The following NBEA variants were observed in gnomAD, a reference collection of about 807,000 sequenced individuals.
NBEA encodes neurobeachin, also known as lysosomal-trafficking regulator 2.
Under a neutral mutation model 343.4 loss-of-function variants are expected in NBEA, and 44 were observed. The observed-to-expected ratio is 0.13, with a 90% CI of 0.10 to 0.16. The LOEUF is 0.16. Ranked by LOEUF, NBEA falls within the 10% of genes least tolerant of loss-of-function variation. The pLI, the probability that NBEA is intolerant of heterozygous loss-of-function variation, is 1.00. For missense variants in NBEA, 2,555 were observed against 3,631.3 expected (o/e 0.70, Z 7.62); for synonymous variants, 1,175 against 1,238.7 (o/e 0.95, Z 1.08).
At chr13:35,394,617 G>A (rs2042657284) in intron 38 of NBEA, among the ~76,000 whole-genome samples, 1 of 151,700 alleles carries the variant, frequency 6.6e-6, no homozygotes, top group African/African-American at 2.4e-5. Context: ...CTAGATCTTG[G>A]TATCTCCTCC....
chr13:35,139,754 T>TTG (rs1555316332), intron 17 of NBEA, among the ~76,000 whole-genome samples: 6 of 143,714 alleles, frequency 4.2e-5, no homozygotes, highest in East Asian at 4.1e-4. Context: ...GTTTTTTTTT[T>TTG]TTTTTTTTTT....
At chr13:35,091,965 T>A (rs1482463745) in intron 10 of NBEA, among the ~76,000 whole-genome samples, 1 of 152,010 alleles carries the variant, frequency 6.6e-6, no homozygotes, top group Admixed American at 6.6e-5. Flanking sequence ...ACTAGGATAG[T>A]TAAAACAGTT....
chr13:35,508,600 T>C (rs2077158845), intron 41 of NBEA, among the ~76,000 whole-genome samples: 1 of 152,100 alleles, frequency 6.6e-6, no homozygotes, highest in African/African-American at 2.4e-5. Flanking sequence ...AGAGAGAGGA[T>C]GACTGCCAGG....
rs75124288 is a variant in NBEA at position 35,508,144 on chromosome 13, C to T, written c.6585+35608C>T. Among the ~76,000 whole-genome samples, 1,100 of 152,118 alleles carry T rather than the reference C, an allele frequency of 7.2e-3. 11 individuals are homozygous for T. The highest frequency in any genetic ancestry group is 0.025 in the African/African-American group (1,024 of 41,488). ...TCACAGGGCTAGAAATTGGTAGAAA[C>T]GGTAGTAGAATCCAGACCTGTTTCA... On this transcript the variant is annotated intron_variant, in intron 41 of 58. Coordinates refer to ENST00000379939, the MANE Select transcript of NBEA (RefSeq NM_001385012.1).
chr13:35,176,178 T>C (rs1219861488), intron 27 of NBEA, among the ~76,000 whole-genome samples: 1 of 152,122 alleles, frequency 6.6e-6, no homozygotes, highest in Non-Finnish European at 1.5e-5. Context: ...CTTTTTACTA[T>C]GGCGTGCTGC....
intron 34 of NBEA, among the ~76,000 whole-genome samples, chr13:35,289,652 A>G (rs545544412): frequency 3.9e-5 from 6 of 152,054 alleles, no homozygotes; most frequent in South Asian, 4.1e-4. Flanking sequence ...TAATAATACT[A>G]TGTCACAGAG....
chr13:35,530,502 G>C (rs963983118), intron 41 of NBEA, among the ~76,000 whole-genome samples: 1 of 152,192 alleles, frequency 6.6e-6, no homozygotes, highest in South Asian at 2.1e-4. Context: ...GGCCCTTCTT[G>C]TTGGTTTAAA....
intron 30 of NBEA, among the ~76,000 whole-genome samples, chr13:35,187,128 G>A (rs941736438): frequency 2.6e-5 from 4 of 151,710 alleles, no homozygotes; most frequent in Admixed American, 6.6e-5. Flanking sequence ...TTTTCTAAAT[G>A]TGTCAGCGAA....
rs2073568824 is a variant in NBEA at position 35,208,749 on chromosome 13, A to G, written c.5416A>G (p.Thr1806Ala). Residue 1806 changes from threonine to alanine, a missense_variant, in exon 32 of 59, where the codon ACC (threonine) becomes GCC (alanine). Physicochemically the swap from Thr to Ala is moderately conservative, Grantham distance 58. Coordinates refer to ENST00000379939, the MANE Select transcript of NBEA (RefSeq NM_001385012.1). Reference sequence around the variant, plus strand: ...ACCACCTCCAGGTAGTTTAGCTGTAACCACTGTGGGAGCCACTACTGCTGG... The same window carrying G: ...ACCACCTCCAGGTAGTTTAGCTGTAGCCACTGTGGGAGCCACTACTGCTGG... ...KKPPPGSLAV[T>A]TVGATTAGSG... 1 of 1,611,508 alleles carries G rather than the reference A, an allele frequency of 6.2e-7. No individual in the cohort carries two copies. Among genetic ancestry groups the G allele is most frequent in the South Asian group, 1.1e-5 (1 of 90,804 alleles).
chr13:35,541,351 T>G (rs2078813735), intron 41 of NBEA, among the ~76,000 whole-genome samples: 1 of 152,034 alleles, frequency 6.6e-6, no homozygotes. Flanking sequence ...GCTTCTCCTG[T>G]TCACCATTGG....
At chr13:35,286,330 T>C (rs2035424802) in intron 34 of NBEA, among the ~76,000 whole-genome samples, 1 of 152,176 alleles carries the variant, frequency 6.6e-6, no homozygotes, top group Non-Finnish European at 1.5e-5. Context: ...TTTATAGATT[T>C]ATTGATTCAA....
intron 17 of NBEA, among the ~76,000 whole-genome samples, chr13:35,124,823 GAT>G (rs146776547): frequency 0.041 from 6,186 of 149,678 alleles, 392 homozygotes; most frequent in African/African-American, 0.14. Context: ...CACACATATG[GAT>G]ATATATATAT....
chr13:35,477,440 C>T (rs1338650618), intron 41 of NBEA, among the ~76,000 whole-genome samples: 5 of 152,084 alleles, frequency 3.3e-5, no homozygotes, highest in African/African-American at 1.2e-4. Flanking sequence ...TGGACTTGCC[C>T]AGCATTACAA....
chr13:35,355,941 T>C (rs962512550), intron 38 of NBEA, among the ~76,000 whole-genome samples: 1 of 151,972 alleles, frequency 6.6e-6, no homozygotes, highest in African/African-American at 2.4e-5. Flanking sequence ...TTTCATATAT[T>C]TTACTTATAT....
chr13:35,416,414 G>T (rs940406647), intron 38 of NBEA, among the ~76,000 whole-genome samples: 1 of 152,028 alleles, frequency 6.6e-6, no homozygotes, highest in Non-Finnish European at 1.5e-5. Flanking sequence ...TTTGAGACAC[G>T]TCCCATCAAT....
At chr13:35,178,336 A>T (rs971223297) in intron 28 of NBEA, among the ~76,000 whole-genome samples, 1 of 151,750 alleles carries the variant, frequency 6.6e-6, no homozygotes, top group East Asian at 1.9e-4. Flanking sequence ...TTCATCAGAG[A>T]TATCTACAGG....
intron 55 of NBEA, among the ~76,000 whole-genome samples, chr13:35,663,692 T>C (rs1025282267): frequency 6.6e-6 from 1 of 152,176 alleles, no homozygotes; most frequent in Admixed American, 6.5e-5. Flanking sequence ...TTTTTTTCTT[T>C]TTCACCTTTT....
intron 38 of NBEA, among the ~76,000 whole-genome samples, chr13:35,429,482 A>T (rs1324089654): frequency 1.3e-5 from 2 of 151,700 alleles, no homozygotes; most frequent in African/African-American, 2.4e-5. Flanking sequence ...GTTTGTACTC[A>T]TTGGTCTATC....
intron 49 of NBEA, among the ~76,000 whole-genome samples, chr13:35,643,421 A>G (rs746538341): frequency 1.3e-5 from 2 of 152,166 alleles, no homozygotes; most frequent in Non-Finnish European, 2.9e-5. Context: ...TAAGCATTCA[A>G]CAAATGTCTG....
Sources: allele counts gnomAD v4.1 joint callset (sites outside exome capture counted in the v4.1 genomes callset), GRCh38; gene constraint gnomAD v4.1.1; transcripts MANE v1.5; gene names NCBI Gene and HGNC (gene_info 2026-07-23, HGNC 2026-07-21).